NPNT: variants seen among roughly 807,000 people sequenced by gnomAD.
NPNT encodes the protein nephronectin.
NPNT carries 45 observed loss-of-function variants against 68.6 expected under a neutral mutation model. The observed-to-expected ratio is 0.66, with a 90% CI of 0.52 to 0.84. NPNT has a LOEUF of 0.84. Ranked by LOEUF, NPNT falls within the 40% of genes least tolerant of loss-of-function variation. The pLI, the probability that NPNT is intolerant of heterozygous loss-of-function variation, is 0.00. For synonymous variants in NPNT, 233 were observed against 253.3 expected (o/e 0.92, Z 0.76); for missense variants, 672 against 714.8 (o/e 0.94, Z 0.68).
intron 1 of NPNT, among the ~76,000 whole-genome samples, chr4:105,896,944 A>T (rs188353011): frequency 6.6e-6 from 1 of 152,198 alleles, no homozygotes; most frequent in Admixed American, 6.5e-5. Context: ...TTTTATTTTT[A>T]AAAGCAATTC....
At chr4:105,928,609 G>A (rs1341671307) in intron 3 of NPNT, among the ~76,000 whole-genome samples, 1 of 104,978 alleles carries the variant, frequency 9.5e-6, no homozygotes, top group East Asian at 2.4e-4. Flanking sequence ...GCGAAACTCT[G>A]TCTCAAAAAA....
At chr4:105,941,519 T>A (rs890187034) in intron 7 of NPNT, among the ~76,000 whole-genome samples, 17 of 152,224 alleles carry the variant, frequency 1.1e-4, no homozygotes, top group African/African-American at 2.7e-4. Flanking sequence ...GATAATTTTT[T>A]AAATTTCCTC....
intron 7 of NPNT, among the ~76,000 whole-genome samples, chr4:105,941,755 C>T (rs1277030712): frequency 1.3e-5 from 2 of 152,050 alleles, no homozygotes; most frequent in Admixed American, 6.6e-5. Flanking sequence ...GAAATAAAAA[C>T]CGACCATAAA....
intron 4 of NPNT, 121 bp from the exon 5 acceptor site, chr4:105,938,180 G>C (rs555321025): frequency 3.7e-6 from 3 of 804,876 alleles, no homozygotes; most frequent in Non-Finnish European, 3.9e-6. Context: ...GATAGTTAAG[G>C]CCTCTTTGTC....
At chr4:105,914,353 T>TTCTCTCTC (rs1261276610) in intron 2 of NPNT, among the ~76,000 whole-genome samples, 3 of 132,226 alleles carry the variant, frequency 2.3e-5, no homozygotes, top group African/African-American at 8.5e-5. Flanking sequence ...TCTCTCTCCA[T>TTCTCTCTC]TCTCTCTCTC....
chr4:105,962,867 G>GTGTA (rs1337398402), intron 10 of NPNT, among the ~76,000 whole-genome samples: 1 of 129,220 alleles, frequency 7.7e-6, no homozygotes, highest in Non-Finnish European at 1.7e-5. Flanking sequence ...GTGTGTGTGT[G>GTGTA]TGTATGTGTG....
chr4:105,951,023 A>G (rs1050281998), intron 8 of NPNT, among the ~76,000 whole-genome samples: 2 of 152,124 alleles, frequency 1.3e-5, no homozygotes, highest in Non-Finnish European at 2.9e-5. Context: ...TGCATTTCTA[A>G]CAAACACAGG....
At chr4:105,951,978 A>G (rs1382540708) in intron 8 of NPNT, among the ~76,000 whole-genome samples, 2 of 152,174 alleles carry the variant, frequency 1.3e-5, no homozygotes, top group Non-Finnish European at 2.9e-5. Context: ...AATAGTATCT[A>G]CCTCATTGGG....
chr4:105,916,668 A>G (rs1184784825), intron 2 of NPNT, among the ~76,000 whole-genome samples: 1 of 152,170 alleles, frequency 6.6e-6, no homozygotes, highest in Admixed American at 6.5e-5. Flanking sequence ...TCCTCTACAT[A>G]TAACACTTGC....
At position 105,968,949 on chromosome 4, in the gene NPNT, G is replaced by T; in HGVS notation, c.1657G>T (p.Asp553Tyr). 4 of 1,613,202 alleles carry T rather than the reference G, an allele frequency of 2.5e-6. No individual in the cohort carries two copies. The highest frequency in any genetic ancestry group is 3.4e-6 in the Non-Finnish European group (4 of 1,179,274). The change falls in exon 12 of 12, where the codon GAT becomes TAT. Residue 553 changes from aspartate to tyrosine, a missense_variant. Physicochemically the swap from Asp to Tyr is radical, Grantham distance 160. Transcript: ENST00000379987. ...TCACACTGGGGAGATTGGATTAGAT[G>T]ATGTGAGCTTGAAAAAAGGCCACTG... The part of the protein sequence containing the change: ...RGHTGEIGLD[D>Y]VSLKKGHCSE...
At chr4:105,929,414 A>C (rs926021849) in intron 3 of NPNT, 1 of 152,210 alleles carries the variant, frequency 6.6e-6, no homozygotes, top group African/African-American at 2.4e-5. Context: ...TTTGATTTAG[A>C]ACTGATTTTC....
chr4:105,948,657 A>T (rs576958482), intron 8 of NPNT, among the ~76,000 whole-genome samples: 1 of 152,156 alleles, frequency 6.6e-6, no homozygotes, highest in South Asian at 2.1e-4. Flanking sequence ...TTTTAAAATA[A>T]TTTTTTTGAG....
At chr4:105,965,862 G>A (rs72956796) in intron 10 of NPNT, among the ~76,000 whole-genome samples, 4,807 of 152,228 alleles carry the variant, frequency 0.032, 234 homozygotes, top group African/African-American at 0.11. Flanking sequence ...AACACCTGCT[G>A]CCTGCTAGCA....
chr4:105,912,559 C>T (rs1218043499), intron 2 of NPNT: 1 of 985,334 alleles, frequency 1.0e-6, no homozygotes, highest in Non-Finnish European at 1.2e-6. Context: ...AATATAAAAA[C>T]AAAGTCCACC....
chr4:105,913,618 T>C (rs553132001), intron 2 of NPNT, among the ~76,000 whole-genome samples: 100 of 152,302 alleles, frequency 6.6e-4, no homozygotes, highest in African/African-American at 2.3e-3. Context: ...ACAATACAAA[T>C]GGAGAACTCT....
chr4:105,904,182 T>C (rs28673012), intron 2 of NPNT, among the ~76,000 whole-genome samples: 3,059 of 152,296 alleles, frequency 0.02, 102 homozygotes, highest in African/African-American at 0.068. Context: ...TGATTCTAAT[T>C]TTTTGCTAAC....
rs755652524 is a variant in NPNT at position 105,958,509 on chromosome 4, G to T, written c.1198G>T (p.Glu400Ter). 8 of 1,611,732 alleles carry T rather than the reference G, an allele frequency of 5.0e-6. No individual in the cohort carries two copies. The highest frequency in any genetic ancestry group is 6.8e-6 in the Non-Finnish European group (8 of 1,178,672). ...QPSNDLFEIFEIERGVSADDE... is the reference protein window; with the variant it reads ...QPSNDLFEIF ...TTCAAATGACTTGTTTGAAATATTT[G>T]AAATAGAAAGAGGAGTCAGTGCAGA... Residue 400 changes from glutamate (E) to a stop codon, truncating the protein, a stop_gained, in exon 9 of 12, where the codon GAA becomes TAA. Coordinates refer to ENST00000379987, the MANE Select transcript of NPNT (RefSeq NM_001033047.3). LOFTEE classifies it high-confidence loss of function.
intron 2 of NPNT, among the ~76,000 whole-genome samples, chr4:105,922,032 C>T (rs2149347004): frequency 6.6e-6 from 1 of 152,164 alleles, no homozygotes; most frequent in African/African-American, 2.4e-5. Flanking sequence ...TTAGTGGTGC[C>T]ATGTCTGCAT....
intron 9 of NPNT, 93 bp downstream of exon 9, chr4:105,958,650 G>A: frequency 3.1e-6 from 2 of 638,232 alleles, no homozygotes; most frequent in Non-Finnish European, 5.1e-6. Flanking sequence ...GGACCATTTG[G>A]GAAAATTACA....
Sources: gnomAD v4.1 joint callset for allele counts (sites outside exome capture counted in the v4.1 genomes callset) on GRCh38, gnomAD v4.1.1 for gene constraint, MANE v1.5 for transcripts, NCBI Gene and HGNC (gene_info 2026-07-23, HGNC 2026-07-21) for gene names.